Variants in KCNJ6 observed in about 807,000 individuals in gnomAD.
KCNJ6 encodes G protein-activated inward rectifier potassium channel 2.
KCNJ6 carries 9 observed loss-of-function variants against 34.2 expected under a neutral mutation model. That is an observed-to-expected ratio of 0.26 (90% CI 0.16 to 0.46). The LOEUF (loss-of-function observed/expected upper bound fraction) is 0.46. Among genes scored for constraint, KCNJ6 ranks in the 20% least tolerant of loss-of-function variants. The pLI is 1.00. For synonymous variants in KCNJ6, 196 were observed against 207.1 expected (o/e 0.95, Z 0.46); for missense variants, 236 against 531.3 (o/e 0.44, Z 5.46).
intron 2 of KCNJ6, among the ~76,000 whole-genome samples, chr21:37,832,983 C>T (rs1174929412): frequency 2.0e-5 from 3 of 151,620 alleles, no homozygotes; most frequent in Non-Finnish European, 4.4e-5. Flanking sequence ...GATTATCTCC[C>T]TGTCCCCCAG....
At chr21:37,635,963 G>A (rs1249305826) in intron 3 of KCNJ6, among the ~76,000 whole-genome samples, 1 of 152,188 alleles carries the variant, frequency 6.6e-6, no homozygotes, top group Non-Finnish European at 1.5e-5. Flanking sequence ...TTCATGCAAA[G>A]GTCCTTCTTG....
intron 3 of KCNJ6, among the ~76,000 whole-genome samples, chr21:37,652,544 A>C (rs2835867): frequency 0.14 from 21,743 of 152,082 alleles, 2,370 homozygotes; most frequent in African/African-American, 0.3. Context: ...AATTACATAC[A>C]AAGAATTCAT....
chr21:37,726,548 G>A (rs1327513495), intron 2 of KCNJ6, among the ~76,000 whole-genome samples: 2 of 152,138 alleles, frequency 1.3e-5, no homozygotes, highest in Admixed American at 6.5e-5. Flanking sequence ...GAAACATATG[G>A]TCTACTTTGC....
chr21:37,869,928 G>A (rs1040278426), intron 1 of KCNJ6, among the ~76,000 whole-genome samples: 2 of 152,188 alleles, frequency 1.3e-5, no homozygotes, highest in Admixed American at 6.5e-5. Flanking sequence ...GTAGACCCAA[G>A]GGGTGGGGTG....
intron 2 of KCNJ6, among the ~76,000 whole-genome samples, chr21:37,781,342 G>T (rs535568379): frequency 3.3e-5 from 5 of 152,276 alleles, no homozygotes; most frequent in Non-Finnish European, 2.9e-5. Context: ...GGGTAAGGGC[G>T]CAGTGACAGA....
intron 3 of KCNJ6, among the ~76,000 whole-genome samples, chr21:37,638,374 C>T (rs111372083): frequency 0.27 from 40,600 of 151,908 alleles, 5,818 homozygotes; most frequent in South Asian, 0.31. Flanking sequence ...CTTGAACTTC[C>T]GACCTCAGGT....
chr21:37,805,397 T>A (rs2055288914), intron 2 of KCNJ6, among the ~76,000 whole-genome samples: 1 of 151,032 alleles, frequency 6.6e-6, no homozygotes, highest in African/African-American at 2.4e-5. Flanking sequence ...ATGATAAAAA[T>A]AAAAAAAATA....
Position 37,810,282 on chromosome 21 carries a change from T to A in KCNJ6, c.25+30376A>T, listed in dbSNP as rs116707046. Among the ~76,000 whole-genome samples, 1,008 of 152,346 alleles carry A rather than the reference T, an allele frequency of 6.6e-3. 9 individuals are homozygous for A. The highest frequency in any genetic ancestry group is 0.023 in the African/African-American group (948 of 41,580). On this transcript the variant is annotated intron_variant, in intron 2 of 3. Transcript: ENST00000609713. Reference sequence around the variant, plus strand: ...TTCATGGTATTCCATTGAATGATTATACCATAATTAAATAAATTAATTTTT... The same window carrying A: ...TTCATGGTATTCCATTGAATGATTAAACCATAATTAAATAAATTAATTTTT...
chr21:37,724,397 C>T (rs916015727), intron 2 of KCNJ6, among the ~76,000 whole-genome samples: 3 of 152,124 alleles, frequency 2.0e-5, no homozygotes, highest in African/African-American at 2.4e-5. Context: ...ACACAGGAAG[C>T]GTCTGCAGTC....
chr21:37,630,159 G>A (rs1008729490), intron 3 of KCNJ6, among the ~76,000 whole-genome samples: 8 of 52,216 alleles, frequency 1.5e-4, no homozygotes, highest in Admixed American at 4.3e-4. Context: ...TGTGTGTGTG[G>A]TGTTTATGTT....
In KCNJ6 at chr21:37,609,825, T is replaced by A. The variant is rs2054236621; in HGVS notation, c.*15334A>T. On this transcript the variant is annotated 3_prime_UTR_variant, in exon 4 of 4. Transcript: ENST00000609713. ...CAAATTGTCAGTAGCCTGCTGGAGC[T>A]GAAGGAATTGCTCATGGATGAGCTG... 1 of 152,174 alleles carries A rather than the reference T, an allele frequency of 6.6e-6. No individual in the cohort carries two copies. The highest frequency in any genetic ancestry group is 1.5e-5 in the Non-Finnish European group (1 of 68,032). 9.4% of individuals were successfully genotyped at this position (152,174 alleles called of 1,614,324 possible). A position where few individuals can be genotyped will look rare whatever the true frequency, so the allele number is the denominator to read the frequency against.
chr21:37,657,605 C>G (rs1212319656), intron 3 of KCNJ6, among the ~76,000 whole-genome samples: 1 of 152,190 alleles, frequency 6.6e-6, no homozygotes, highest in Non-Finnish European at 1.5e-5. Flanking sequence ...TCCCTCCTCT[C>G]AAAGAGATTG....
intron 3 of KCNJ6, among the ~76,000 whole-genome samples, chr21:37,684,539 T>A (rs1263029575): frequency 3.3e-5 from 5 of 152,254 alleles, no homozygotes; most frequent in Non-Finnish European, 5.9e-5. Flanking sequence ...TGAAGTGTTA[T>A]GTTAGCATAG....
At chr21:37,689,340 A>C (rs1405359460) in intron 3 of KCNJ6, among the ~76,000 whole-genome samples, 1 of 39,296 alleles carries the variant, frequency 2.5e-5, no homozygotes, top group Non-Finnish European at 4.7e-5. Context: ...GAATGGATAA[A>C]GAAGTGTCAC....
In KCNJ6 at chr21:37,712,616, TCTCCCTCCTCTTCC is replaced by T. The variant is rs1421778354; in HGVS notation, c.946+1581_946+1594del. Among the ~76,000 whole-genome samples the T allele has an allele frequency of 8.7e-5, 3 of 34,430 alleles. 1 individual carries two copies. Among genetic ancestry groups the T allele is most frequent in the African/African-American group, 7.0e-4 (3 of 4,278 alleles). 22.6% of individuals were successfully genotyped at this position (34,430 alleles called of 152,430 possible). On this transcript the variant is annotated intron_variant, in intron 3 of 3. Transcript: ENST00000609713. The stretch of plus-strand genomic sequence containing the variant: ...TTCCCTCCCTCCTCCCCTCCTCCTC[TCTCCCTCCTCTTCC>T]CTCCCTCCTCCCCTTCTCCTCCTCT...
At chr21:37,822,224 C>T (rs1292993901) in intron 2 of KCNJ6, among the ~76,000 whole-genome samples, 5 of 152,164 alleles carry the variant, frequency 3.3e-5, no homozygotes, top group African/African-American at 9.7e-5. Context: ...TGGGGAGTGG[C>T]TTGCAGACAC....
chr21:37,811,544 G>A (rs1033867606), intron 2 of KCNJ6, among the ~76,000 whole-genome samples: 2 of 152,128 alleles, frequency 1.3e-5, no homozygotes, highest in African/African-American at 4.8e-5. Flanking sequence ...GAGAATTGGT[G>A]GATGTGGGAA....
chr21:37,847,153 T>A (rs2055513081), intron 1 of KCNJ6, among the ~76,000 whole-genome samples: 1 of 152,190 alleles, frequency 6.6e-6, no homozygotes, highest in South Asian at 2.1e-4. Context: ...CATAAAAATA[T>A]AATATGAAAA....
chr21:37,698,406 G>T (rs2054673661), intron 3 of KCNJ6, among the ~76,000 whole-genome samples: 1 of 152,222 alleles, frequency 6.6e-6, no homozygotes, highest in Non-Finnish European at 1.5e-5. Context: ...GAGTGCGGGA[G>T]GGGGGCTCAT....
Sources: gnomAD v4.1 joint callset for allele counts (sites outside exome capture counted in the v4.1 genomes callset) on GRCh38, gnomAD v4.1.1 for gene constraint, MANE v1.5 for transcripts, NCBI Gene and HGNC (gene_info 2026-07-23, HGNC 2026-07-21) for gene names.